Variants in SNW1 observed in about 807,000 individuals in gnomAD.
The protein encoded by SNW1 is SNW domain containing 1, also known as SNW domain-containing protein 1.
Under a neutral mutation model 75.6 loss-of-function variants are expected in SNW1, and 9 were observed. The ratio of observed to expected loss-of-function variants is 0.12; its 90% CI spans 0.07 to 0.21. The LOEUF is 0.21. SNW1 is among the 10% of genes least tolerant of loss of function. SNW1 has a pLI of 1.00. For synonymous variants in SNW1, 200 were observed against 219.1 expected, an observed-to-expected ratio of 0.91 and a Z score of 0.77; for missense variants, 409 against 670.9, an observed-to-expected ratio of 0.61 and a Z score of 4.31.
rs573767969 is a variant in SNW1 at position 77,753,793 on chromosome 14, A to G, written c.168+1174T>C. On this transcript the variant is annotated intron_variant, in intron 2 of 13. Coordinates refer to ENST00000261531, the MANE Select transcript of SNW1 (RefSeq NM_012245.3). ...ATGGTGAAACCCTGTCTGTACTAAA[A>G]ATACAAAAAATTAGCTGGATGTGGT... is the stretch of plus-strand genomic sequence containing the variant. Among the ~76,000 whole-genome samples, 469 of 151,842 alleles carry G rather than the reference A, an allele frequency of 3.1e-3. 4 individuals are homozygous for G. Among genetic ancestry groups the G allele is most frequent in the Middle Eastern group, 6.8e-3 (2 of 294 alleles).
rs11335114 is a variant in SNW1 at position 77,744,135 on chromosome 14, C to CA, written c.331-5075dup. Among the ~76,000 whole-genome samples the CA allele has an allele frequency of 9.2e-3, 1,125 of 121,730 alleles. 9 individuals are homozygous for CA. The highest frequency in any genetic ancestry group is 0.032 in the African/African-American group (1,038 of 32,270). The allele number at this position is 121,730 out of a possible 152,430, so 79.9% of individuals were successfully genotyped here. On this transcript the variant is annotated intron_variant, in intron 3 of 13. Transcript: ENST00000261531. Reference sequence around the variant, plus strand: ...TGGGTGACAGAGTGAGACTCCATCTCAAAAAAAAAAAAAAAGAAAAAAAGA... The same window carrying CA: ...TGGGTGACAGAGTGAGACTCCATCTCAAAAAAAAAAAAAAAAGAAAAAAAGA...
rs1433818075 is a variant in SNW1 at position 77,722,875 on chromosome 14, C to T, written c.1130+306G>A. On this transcript the variant is annotated intron_variant, in intron 11 of 13. Transcript: ENST00000261531. Reference sequence around the variant, plus strand: ...TTTTTTTTTTTGTGAGATGGAGTCTCGCTCTGTCGCCCAGGCTGGAATGCA... The same window carrying T: ...TTTTTTTTTTTGTGAGATGGAGTCTTGCTCTGTCGCCCAGGCTGGAATGCA... 4.8e-5 allele frequency: 18 copies of T among 372,100 alleles called. 1 individual carries two copies. The highest frequency in any genetic ancestry group is 1.5e-3 in the Middle Eastern group (2 of 1,330). 23.0% of individuals were successfully genotyped at this position (372,100 alleles called of 1,614,324 possible). A position where few individuals can be genotyped will look rare whatever the true frequency, so the allele number is the denominator to read the frequency against.
intron 10 of SNW1, among the ~76,000 whole-genome samples, chr14:77,725,169 A>G (rs7148685): frequency 0.17 from 25,385 of 152,122 alleles, 2,434 homozygotes; most frequent in Non-Finnish European, 0.22. Flanking sequence ...TATTCAGATC[A>G]TTTGCCCATT....
intron 3 of SNW1, among the ~76,000 whole-genome samples, chr14:77,747,136 C>T (rs1236444276): frequency 6.6e-6 from 1 of 152,236 alleles, no homozygotes; most frequent in Non-Finnish European, 1.5e-5. Flanking sequence ...CCGGGCTGGT[C>T]TCCAGCTCCT....
chr14:77,722,448 C>G, intron 11 of SNW1: 1 of 444,324 alleles, frequency 2.3e-6, no homozygotes, highest in Non-Finnish European at 4.5e-6. Context: ...GTACTAGATG[C>G]AGTACTATGC....
intron 1 of SNW1, chr14:77,760,797 C>G (rs1259644976): frequency 8.5e-6 from 6 of 709,794 alleles, no homozygotes; most frequent in East Asian, 2.7e-5. Context: ...CTCGTTCGCC[C>G]GAGCCGCGGA....
intron 12 of SNW1, among the ~76,000 whole-genome samples, chr14:77,719,309 C>T (rs1489906143): frequency 4.6e-5 from 7 of 152,152 alleles, no homozygotes; most frequent in African/African-American, 7.2e-5. Context: ...TCCCTTTGCT[C>T]AGCTGGTAAG....
At chr14:77,747,912 T>A (rs55995783) in intron 3 of SNW1, among the ~76,000 whole-genome samples, 25,550 of 152,180 alleles carry the variant, frequency 0.17, 2,462 homozygotes, top group Non-Finnish European at 0.22. Flanking sequence ...CTGGGAGGTG[T>A]ACCCAACAGC....
chr14:77,744,446 C>CAAAAAAAAAAAAAAAAAAA (rs11335115), intron 3 of SNW1, among the ~76,000 whole-genome samples: 10 of 82,926 alleles, frequency 1.2e-4, no homozygotes, highest in East Asian at 7.0e-4. Flanking sequence ...GTCTCCATCT[C>CAAAAAAAAAAAAAAAAAAA]AAAAAAAAAA....
intron 1 of SNW1, 168 bp downstream of exon 1, chr14:77,760,946 G>A (rs2080885688): frequency 7.3e-6 from 11 of 1,498,770 alleles, no homozygotes; most frequent in South Asian, 1.1e-5. Context: ...CCCCAGCTTC[G>A]ACTAGGCCTA....
At chr14:77,730,493 T>C (rs939455962) in intron 10 of SNW1, among the ~76,000 whole-genome samples, 2 of 152,208 alleles carry the variant, frequency 1.3e-5, no homozygotes, top group African/African-American at 4.8e-5. Context: ...TCTTGAATTA[T>C]ACTTAGGACT....
chr14:77,741,455 A>G (rs539223074), intron 3 of SNW1, among the ~76,000 whole-genome samples: 4 of 152,288 alleles, frequency 2.6e-5, no homozygotes, highest in African/African-American at 9.6e-5. Context: ...TCTCATGGCT[A>G]TACACTAAAA....
At chr14:77,720,284 A>G (rs1055053552) in intron 12 of SNW1, among the ~76,000 whole-genome samples, 2 of 152,120 alleles carry the variant, frequency 1.3e-5, no homozygotes, top group Non-Finnish European at 2.9e-5. Flanking sequence ...ACAGGCGTGC[A>G]CCACCACACC....
At chr14:77,738,445 C>CA (rs951188018) in intron 5 of SNW1, among the ~76,000 whole-genome samples, 2 of 151,686 alleles carry the variant, frequency 1.3e-5, no homozygotes, top group Non-Finnish European at 2.9e-5. Flanking sequence ...CCTGTCTCTA[C>CA]AAAAAATTAA....
At position 77,761,154 on chromosome 14, in the gene SNW1, G is replaced by A. The variant is rs773358379; in HGVS notation, c.-27C>T. On this transcript the variant is annotated 5_prime_UTR_variant, in exon 1 of 14. Coordinates refer to ENST00000261531, the MANE Select transcript of SNW1 (RefSeq NM_012245.3). ...TTCTTCCGCTTCTTCCAGCGCGAGC[G>A]ACAGCACCGCTGGGCGGGTCTTTCC... 13 of 1,614,126 alleles carry A rather than the reference G, an allele frequency of 8.1e-6. No individual in the cohort carries two copies. The highest frequency in any genetic ancestry group is 1.3e-5 in the African/African-American group (1 of 74,956).
chr14:77,734,902 T>C (rs2080658463), intron 8 of SNW1, 45 bp downstream of exon 8: 1 of 1,305,580 alleles, frequency 7.7e-7, no homozygotes, highest in South Asian at 1.2e-5. Flanking sequence ...ACTGGTGTTT[T>C]CCAGTAGGTT....
chr14:77,730,746 G>T (rs2080621388), intron 10 of SNW1: 2 of 395,012 alleles, frequency 5.1e-6, no homozygotes. Context: ...ATTTTGAAAA[G>T]TACACTGCTC....
chr14:77,720,002 G>A (rs2080526007), intron 12 of SNW1, among the ~76,000 whole-genome samples: 1 of 152,206 alleles, frequency 6.6e-6, no homozygotes, highest in Admixed American at 6.5e-5. Flanking sequence ...ATGGCAATTG[G>A]TACTAGAAAT....
chr14:77,759,123 AAC>A (rs2080865082), intron 1 of SNW1, among the ~76,000 whole-genome samples: 1 of 150,902 alleles, frequency 6.6e-6, no homozygotes, highest in African/African-American at 2.4e-5. Context: ...AATACTGAGG[AAC>A]ACCAGATGGT....
Sources: gnomAD v4.1 joint callset for allele counts (sites outside exome capture counted in the v4.1 genomes callset) on GRCh38, gnomAD v4.1.1 for gene constraint, MANE v1.5 for transcripts, NCBI Gene and HGNC (gene_info 2026-07-23, HGNC 2026-07-21) for gene names.